The following CORO1C variants were observed in gnomAD, a reference collection of about 807,000 sequenced individuals.
CORO1C encodes coronin 1C, also known as coronin-1C.
In CORO1C, 14 loss-of-function variants were observed where a neutral mutation model predicts 51.2. The observed-to-expected ratio is 0.27, with a 90% CI of 0.18 to 0.43. The LOEUF is 0.43. Ranked by LOEUF, CORO1C falls within the 20% of genes least tolerant of loss-of-function variation. The pLI, the probability that CORO1C is intolerant of heterozygous loss-of-function variation, is 1.00. For missense variants in CORO1C, 417 were observed against 607.8 expected (o/e 0.69, Z 3.30); for synonymous variants, 181 against 210.5 (o/e 0.86, Z 1.21).
chr12:108,656,181 C>G (rs1420665988), intron 6 of CORO1C, among the ~76,000 whole-genome samples: 3 of 140,754 alleles, frequency 2.1e-5, no homozygotes, highest in Non-Finnish European at 3.1e-5. Flanking sequence ...CCCCTCCGCC[C>G]GGCAGCCGCC....
chr12:108,718,196 A>G lies in CORO1C; in HGVS notation c.-6+13233T>C, dbSNP rs947977824. Among the ~76,000 whole-genome samples the G allele has an allele frequency of 3.9e-5, 6 of 152,238 alleles. No individual in the cohort carries two copies. In the East Asian group the frequency reaches 1.2e-3, roughly 29 times the overall value. ...TTAAAACCCCATCTCTACTAAAAAT[A>G]TAAAAAATTAGCCAGGCGTGGCAGT... On this transcript the variant is annotated intron_variant, in intron 1 of 10. Coordinates refer to ENST00000261401, the MANE Select transcript of CORO1C (RefSeq NM_014325.4).
At chr12:108,665,971 CTGAG>C (rs1432036268) in intron 3 of CORO1C, among the ~76,000 whole-genome samples, 1 of 152,218 alleles carries the variant, frequency 6.6e-6, no homozygotes, top group Non-Finnish European at 1.5e-5. Context: ...AAGGCAGACA[CTGAG>C]TGTTAGTTGG....
intron 7 of CORO1C, among the ~76,000 whole-genome samples, chr12:108,652,863 A>G (rs1189117105): frequency 3.2e-5 from 1 of 31,116 alleles, no homozygotes; most frequent in East Asian, 0.042. Flanking sequence ...TATGATGATA[A>G]AAAGTGAGAT....
At position 108,731,452 on chromosome 12, in the gene CORO1C, C is replaced by T. The variant is rs1484466812; in HGVS notation, c.-29G>A. The stretch of plus-strand genomic sequence containing the variant: ...ACCCGGGCCGAGGTGCCTGAGGCGC[C>T]GCCGCCGAAGTCCCCGCTGCAAAGC... On this transcript the variant is annotated 5_prime_UTR_variant, in exon 1 of 11. Transcript: ENST00000261401. This position sits in a 1 kb window ranked among gnomAD's most constrained non-coding sequence, Gnocchi z 5.2. 2 of 152,886 alleles carry T rather than the reference C, an allele frequency of 1.3e-5. No homozygotes were observed. Among genetic ancestry groups the T allele is most frequent in the Non-Finnish European group, 2.9e-5 (2 of 68,746 alleles). 9.5% of individuals were successfully genotyped at this position (152,886 alleles called of 1,614,324 possible). A position where few individuals can be genotyped will look rare whatever the true frequency, so the allele number is the denominator to read the frequency against.
At chr12:108,716,918 C>T (rs1555223018) in intron 1 of CORO1C, among the ~76,000 whole-genome samples, 1 of 152,234 alleles carries the variant, frequency 6.6e-6, no homozygotes, top group Non-Finnish European at 1.5e-5. Context: ...TGACCATGCG[C>T]CTAGCACCAT....
At position 108,647,185 on chromosome 12, in the gene CORO1C, A is replaced by G. The variant is rs1469192808; in HGVS notation, c.*218T>C. 2 of 421,228 alleles carry G rather than the reference A, an allele frequency of 4.7e-6. No homozygotes were observed. The highest frequency in any genetic ancestry group is 8.4e-6 in the Non-Finnish European group (2 of 237,790). The allele number at this position is 421,228 out of a possible 1,614,324, so 26.1% of individuals were successfully genotyped here. On this transcript the variant is annotated 3_prime_UTR_variant, in exon 11 of 11. Coordinates refer to ENST00000261401, the MANE Select transcript of CORO1C (RefSeq NM_014325.4). The stretch of plus-strand genomic sequence containing the variant: ...TAAAACATCAAAAAAGCTTTCTGAT[A>G]AAAAGCTCAGCTTTTAAATCACGTT...
At chr12:108,704,762 T>C (rs2136869088) in intron 1 of CORO1C, among the ~76,000 whole-genome samples, 5 of 152,294 alleles carry the variant, frequency 3.3e-5, no homozygotes, top group Middle Eastern at 3.4e-3. Flanking sequence ...TCTCAGGCCC[T>C]CCAGGCACAC....
At chr12:108,648,517 AG>A (rs2032482640) in intron 10 of CORO1C, 87 bp downstream of exon 10, 2 of 1,560,798 alleles carry the variant, frequency 1.3e-6, no homozygotes, top group Non-Finnish European at 1.7e-6. Flanking sequence ...CAGCTGGGAC[AG>A]TACTCGCCGA....
chr12:108,671,457 A>C (rs1403593950), intron 3 of CORO1C, among the ~76,000 whole-genome samples: 3 of 151,370 alleles, frequency 2.0e-5, no homozygotes, highest in African/African-American at 7.2e-5. Flanking sequence ...ACCAAAGCAA[A>C]GGAACAGGAA....
intron 3 of CORO1C, among the ~76,000 whole-genome samples, chr12:108,677,999 A>G (rs186690393): frequency 2.6e-5 from 4 of 151,514 alleles, no homozygotes; most frequent in African/African-American, 9.7e-5. Context: ...AGCCTGGGTG[A>G]CAGAGCAAGA....
chr12:108,656,102 G>C (rs1218041675), intron 6 of CORO1C, among the ~76,000 whole-genome samples: 1 of 144,488 alleles, frequency 6.9e-6, no homozygotes, highest in Admixed American at 6.9e-5. Flanking sequence ...CCCTCTGCCC[G>C]GCAGCCGCCC....
intron 2 of CORO1C, among the ~76,000 whole-genome samples, chr12:108,698,654 G>C (rs138432039): frequency 0.028 from 4,200 of 152,276 alleles, 90 homozygotes; most frequent in Middle Eastern, 0.088. Context: ...TGATCCGCCC[G>C]CCTCAGCCTC....
Position 108,662,177 on chromosome 12 carries a change from A to C in CORO1C, c.319-19T>G. The C allele has an allele frequency of 3.1e-6, 5 of 1,611,190 alleles. No homozygotes were observed. Among genetic ancestry groups the C allele is most frequent in the Non-Finnish European group, 4.2e-6 (5 of 1,177,750 alleles). ...GCCATACCTGTTGGACAAGGAAGAA[A>C]GATGATCCACATGAAAGCTATTGCC... On this transcript the variant is annotated intron_variant, in intron 3 of 10. Transcript: ENST00000261401.
rs1319457607 is a variant in CORO1C at position 108,645,791 on chromosome 12, T to C, written c.*1612A>G. On this transcript the variant is annotated 3_prime_UTR_variant, in exon 11 of 11. Coordinates refer to ENST00000261401, the MANE Select transcript of CORO1C (RefSeq NM_014325.4). The stretch of plus-strand genomic sequence containing the variant: ...CCATGCCCACACCAGCACGAGCATG[T>C]GCAAGAATTCCCTTCGTGGTCCCAA... 1 of 152,302 alleles carries C rather than the reference T, an allele frequency of 6.6e-6. No homozygotes were observed. Among genetic ancestry groups the C allele is most frequent in the Non-Finnish European group, 1.5e-5 (1 of 68,068 alleles). The allele number at this position is 152,302 out of a possible 1,614,324, so 9.4% of individuals were successfully genotyped here. A position where few individuals can be genotyped will look rare whatever the true frequency, so the allele number is the denominator to read the frequency against.
chr12:108,666,737 AG>A (rs1303070275), intron 3 of CORO1C, among the ~76,000 whole-genome samples: 2 of 152,198 alleles, frequency 1.3e-5, no homozygotes, highest in Non-Finnish European at 2.9e-5. Flanking sequence ...AGCATTAAGA[AG>A]GGATTTCACT....
intron 9 of CORO1C, 34 bp downstream of exon 9, chr12:108,648,929 A>G (rs980675638): frequency 2.5e-6 from 4 of 1,611,302 alleles, no homozygotes; most frequent in Non-Finnish European, 3.4e-6. Flanking sequence ...ACATTTGTTT[A>G]AAATATGGAT....
At chr12:108,679,038 T>G (rs1452267413) in intron 2 of CORO1C, among the ~76,000 whole-genome samples, 1 of 132,642 alleles carries the variant, frequency 7.5e-6, no homozygotes, top group African/African-American at 2.9e-5. Context: ...TTGAACCCGG[T>G]AGGCAGAGGT....
intron 2 of CORO1C, among the ~76,000 whole-genome samples, chr12:108,699,211 T>C (rs912702262): frequency 7.2e-5 from 11 of 152,140 alleles, no homozygotes; most frequent in African/African-American, 2.7e-4. Flanking sequence ...GGTCACTGAA[T>C]GCAAGGAAAA....
intron 8 of CORO1C, chr12:108,649,811 C>G (rs2032557961): frequency 6.6e-6 from 1 of 152,230 alleles, no homozygotes; most frequent in African/African-American, 2.4e-5. Flanking sequence ...CCTTAGTGAG[C>G]ATCCTGGCCA....
Sources: gnomAD v4.1 joint callset for allele counts (sites outside exome capture counted in the v4.1 genomes callset) on GRCh38, gnomAD v4.1.1 for gene constraint, Gnocchi (gnomAD v3.1) non-coding constraint, MANE v1.5 for transcripts, NCBI Gene and HGNC (gene_info 2026-07-23, HGNC 2026-07-21) for gene names.